Variants in CDC42BPB observed in about 807,000 individuals in gnomAD.
The protein encoded by CDC42BPB is serine/threonine-protein kinase MRCK beta.
CDC42BPB carries 37 observed loss-of-function variants against 214.9 expected under a neutral mutation model. The observed-to-expected ratio is 0.17, with a 90% CI of 0.13 to 0.23. The LOEUF (loss-of-function observed/expected upper bound fraction) is 0.23. Among genes scored for constraint, CDC42BPB ranks in the 10% least tolerant of loss-of-function variants. The pLI is 1.00. For synonymous variants in CDC42BPB, 931 were observed against 884.0 expected (o/e 1.05, Z -0.94); for missense variants, 1,694 against 2,227.0 (o/e 0.76, Z 4.82).
intron 33 of CDC42BPB, 45 bp from the exon 34 acceptor site, chr14:102,939,772 C>A (rs759399853): frequency 1.2e-6 from 2 of 1,614,048 alleles, no homozygotes; most frequent in East Asian, 2.2e-5. Context: ...ACGTGAGAAT[C>A]CTCTTGGCCC....
intron 5 of CDC42BPB, among the ~76,000 whole-genome samples, chr14:102,987,187 T>C (rs1894283183): frequency 1.3e-5 from 2 of 152,170 alleles, no homozygotes; most frequent in African/African-American, 4.8e-5. Context: ...ACTTTATAGA[T>C]GAAGACATGG....
At chr14:102,963,410 G>A in intron 19 of CDC42BPB, 1 of 398,012 alleles carries the variant, frequency 2.5e-6, no homozygotes, top group Non-Finnish European at 3.4e-6. Flanking sequence ...TGGAGCTCTT[G>A]ACCTTCCTAA....
chr14:102,977,339 CAA>C lies in CDC42BPB; in HGVS notation c.1220+785_1220+786del, dbSNP rs56368090. 1.5e-4 allele frequency among the ~76,000 whole-genome samples: 13 copies of C among 85,096 alleles called. 1 individual carries two copies. Among genetic ancestry groups the C allele is most frequent in the Middle Eastern group, 6.4e-3 (1 of 156 alleles). The allele number at this position is 85,096 out of a possible 152,430, so 55.8% of individuals were successfully genotyped here. On this transcript the variant is annotated intron_variant, in intron 9 of 36. Transcript: ENST00000361246. ...GGGCGACAGAGCGAGACTCCGTCTCCAAAAAAAAAAAAAAAAAAAAAAGAAGC... is the reference window on the plus strand; with the variant it reads ...GGGCGACAGAGCGAGACTCCGTCTCCAAAAAAAAAAAAAAAAAAAAGAAGC...
chr14:102,932,887 CGGGCA>C lies in CDC42BPB; in HGVS notation c.*820_*824del, dbSNP rs1891454701. 5.2e-5 allele frequency: 1 copy of C among 19,210 alleles called. No individual in the cohort carries two copies. The highest frequency in any genetic ancestry group is 1.2e-4 in the Non-Finnish European group (1 of 8,638). The allele number at this position is 19,210 out of a possible 1,614,324, so 1.2% of individuals were successfully genotyped here. On this transcript the variant is annotated 3_prime_UTR_variant, in exon 37 of 37. Transcript: ENST00000361246. ...GGGGCAGGACTGGTGGGGGGGGGGGCGGGCAGGGCGGGGCGGGGTGGGGTATCCCA... is the reference window on the plus strand; with the variant it reads ...GGGGCAGGACTGGTGGGGGGGGGGGCGGGCGGGGCGGGGTGGGGTATCCCA...
Position 102,981,029 on chromosome 14 carries a change from G to C in CDC42BPB, c.892-8C>G, listed in dbSNP as rs1893973753. On this transcript the variant is annotated splice_region_variant and splice_polypyrimidine_tract_variant and intron_variant, in intron 7 of 36. Transcript: ENST00000361246. ...TGGGAACTGGAATCGCTCCTGCAAG[G>C]GGTGGCAAAAACACCGGTGGACAGG... 6.2e-7 allele frequency: 1 copy of C among 1,613,876 alleles called. No homozygotes were observed.
chr14:103,007,826 G>C (rs1017392586), intron 3 of CDC42BPB, among the ~76,000 whole-genome samples: 1 of 152,186 alleles, frequency 6.6e-6, no homozygotes, highest in Non-Finnish European at 1.5e-5. Flanking sequence ...GGAAGGGCCT[G>C]GGCTCTGAGT....
In CDC42BPB at chr14:103,057,291, G is replaced by A; in HGVS notation, c.-118C>T. The A allele has an allele frequency of 9.1e-7, 1 of 1,099,052 alleles. No homozygotes were observed. Among genetic ancestry groups the A allele is most frequent in the Non-Finnish European group, 1.1e-6 (1 of 904,512 alleles). 68.1% of individuals were successfully genotyped at this position (1,099,052 alleles called of 1,614,324 possible). Reference sequence around the variant, plus strand: ...GCCCCGGCAGCAGCGGCGCCTCCTCGCCGCCCCGTCCGCGTCGTCGCGCCC... The same window carrying A: ...GCCCCGGCAGCAGCGGCGCCTCCTCACCGCCCCGTCCGCGTCGTCGCGCCC... On this transcript the variant is annotated 5_prime_UTR_variant, in exon 1 of 37. The change creates a premature stop within an existing upstream ORF in the 5' untranslated region. Transcript: ENST00000361246.
chr14:102,997,005 C>T (rs941028077), intron 5 of CDC42BPB, among the ~76,000 whole-genome samples: 2 of 152,098 alleles, frequency 1.3e-5, no homozygotes, highest in African/African-American at 2.4e-5. Context: ...TAAGGAAAGG[C>T]GCCCACCTCT....
intron 36 of CDC42BPB, among the ~76,000 whole-genome samples, chr14:102,934,817 C>A (rs1206007848): frequency 1.3e-5 from 2 of 151,856 alleles, no homozygotes; most frequent in African/African-American, 2.4e-5. Flanking sequence ...TGAGACCATC[C>A]TAACACAGTG....
intron 34 of CDC42BPB, among the ~76,000 whole-genome samples, chr14:102,938,967 T>C (rs960905406): frequency 6.7e-5 from 10 of 149,550 alleles, no homozygotes; most frequent in Admixed American, 1.3e-4. Context: ...GACGGAGTCT[T>C]GCTCTGTCAC....
At position 102,979,798 on chromosome 14, in the gene CDC42BPB, A is replaced by T. The variant is rs35170690; in HGVS notation, c.1140+975T>A. ...GATGAGAACAAAAGAATTTTACGAG[A>T]TATGAGCAAAATTCTCCAGGACCAA... is the stretch of plus-strand genomic sequence containing the variant. On this transcript the variant is annotated intron_variant, in intron 8 of 36. Transcript: ENST00000361246. 4.0e-3 allele frequency among the ~76,000 whole-genome samples: 603 copies of T among 152,290 alleles called. 4 individuals are homozygous for T. The highest frequency in any genetic ancestry group is 6.5e-3 in the Admixed American group (100 of 15,294).
At chr14:103,051,662 A>G (rs1888615960) in intron 1 of CDC42BPB, among the ~76,000 whole-genome samples, 1 of 152,232 alleles carries the variant, frequency 6.6e-6, no homozygotes, top group South Asian at 2.1e-4. Flanking sequence ...TGTAATTTAC[A>G]TGCATTTGAG....
chr14:103,023,032 G>C (rs1886859290), intron 1 of CDC42BPB, among the ~76,000 whole-genome samples: 2 of 150,084 alleles, frequency 1.3e-5, no homozygotes, highest in South Asian at 4.2e-4. Flanking sequence ...TTTTTTTTGA[G>C]GCAGGGTCCC....
chr14:103,032,224 A>T (rs1416666381), intron 1 of CDC42BPB, among the ~76,000 whole-genome samples: 1 of 152,120 alleles, frequency 6.6e-6, no homozygotes, highest in Non-Finnish European at 1.5e-5. Flanking sequence ...AGGACCAAGG[A>T]GAAGGGAGGT....
At position 102,943,691 on chromosome 14, in the gene CDC42BPB, T is replaced by G. The variant is rs1295541925; in HGVS notation, c.4408+200A>C. 2 of 574,034 alleles carry G rather than the reference T, an allele frequency of 3.5e-6. No homozygotes were observed. The highest frequency in any genetic ancestry group is 3.2e-5 in the Admixed American group (1 of 30,940). The allele number at this position is 574,034 out of a possible 1,614,324, so 35.6% of individuals were successfully genotyped here. A position where few individuals can be genotyped will look rare whatever the true frequency, so the allele number is the denominator to read the frequency against. On this transcript the variant is annotated intron_variant, in intron 30 of 36. Coordinates refer to ENST00000361246, the MANE Select transcript of CDC42BPB (RefSeq NM_006035.4). The surrounding 1 kb of genome is among the most constrained non-coding windows in gnomAD (Gnocchi z 4.6). ...CCATGTGCTCAGGGAGAGAGGTTGC[T>G]GAGCCCGCCTACTGCTGGTCTGAGA... is the stretch of plus-strand genomic sequence containing the variant.
intron 5 of CDC42BPB, among the ~76,000 whole-genome samples, chr14:102,994,232 C>T (rs1295921987): frequency 6.6e-6 from 1 of 152,188 alleles, no homozygotes; most frequent in South Asian, 2.1e-4. Flanking sequence ...ACCACCAACA[C>T]AGTACACTCT....
Position 103,017,382 on chromosome 14 carries a change from A to G in CDC42BPB, c.176-5194T>C, listed in dbSNP as rs572941019. On this transcript the variant is annotated intron_variant, in intron 1 of 36. Transcript: ENST00000361246. ...ACACTGATATTAACATATAAAATTT[A>G]AAAATCTGATGAAAAATGGGATATT... Among the ~76,000 whole-genome samples the G allele has an allele frequency of 3.3e-5, 5 of 152,274 alleles. No homozygotes were observed. The South Asian group carries it at 1.0e-3, about 32-fold the overall frequency.
intron 5 of CDC42BPB, among the ~76,000 whole-genome samples, chr14:102,996,252 A>T (rs887492640): frequency 3.5e-4 from 53 of 152,150 alleles, no homozygotes; most frequent in African/African-American, 1.3e-3. Context: ...AGGCAGGAGA[A>T]TGGCGTGAAC....
Position 103,008,516 on chromosome 14 carries a change from C to A in CDC42BPB, c.307G>T (p.Ala103Ser). The A allele has an allele frequency of 6.2e-7, 1 of 1,612,830 alleles. No homozygotes were observed. Among genetic ancestry groups the A allele is most frequent in the Non-Finnish European group, 8.5e-7 (1 of 1,178,768 alleles). ...TCCCACTTGTTGAGGATTTTCATTG[C>A]ATAAATTCGTTCAGTATTCTTCATT... is the stretch of plus-strand genomic sequence containing the variant. ...VKMKNTERIYAMKILNKWEML... is the reference protein window; with the variant it reads ...VKMKNTERIYSMKILNKWEML... The change falls in exon 3 of 37, where the codon GCA (alanine) becomes TCA (serine). Residue 103 changes from alanine to serine, a missense_variant. Coordinates refer to ENST00000361246, the MANE Select transcript of CDC42BPB (RefSeq NM_006035.4).
Sources: allele counts gnomAD v4.1 joint callset (sites outside exome capture counted in the v4.1 genomes callset), GRCh38; gene constraint gnomAD v4.1.1; non-coding constraint Gnocchi (gnomAD v3.1); transcripts MANE v1.5; gene names NCBI Gene and HGNC (gene_info 2026-07-23, HGNC 2026-07-21).